Variants in PRORP observed in about 807,000 individuals in gnomAD.
PRORP encodes mitochondrial ribonuclease P catalytic subunit.
Under a neutral mutation model 59.4 loss-of-function variants are expected in PRORP, and 51 were observed. That is an observed-to-expected ratio of 0.86 (90% CI 0.69 to 1.08). The LOEUF (loss-of-function observed/expected upper bound fraction) is 1.08, where lower values mean the gene tolerates loss of function less well. PRORP is among the 50% of genes least tolerant of loss of function. The pLI is 0.00. For synonymous variants in PRORP, 231 were observed against 245.6 expected (o/e 0.94, Z 0.55); for missense variants, 646 against 690.3 (o/e 0.94, Z 0.72).
At chr14:35,193,830 G>A (rs1232444379) in intron 5 of PRORP, among the ~76,000 whole-genome samples, 9 of 151,884 alleles carry the variant, frequency 5.9e-5, no homozygotes, top group Admixed American at 5.9e-4. Flanking sequence ...CCATATAATT[G>A]TTTCTCCCGT....
At chr14:35,136,770 G>A (rs765185053) in intron 4 of PRORP, among the ~76,000 whole-genome samples, 2 of 145,096 alleles carry the variant, frequency 1.4e-5, no homozygotes, top group Non-Finnish European at 3.1e-5. Context: ...TCACATAATA[G>A]TAATAGGTTA....
chr14:35,241,377 C>CA (rs532766908), intron 5 of PRORP, among the ~76,000 whole-genome samples: 2,222 of 139,096 alleles, frequency 0.016, 57 homozygotes, highest in African/African-American at 0.051. Context: ...GACTCCGTCT[C>CA]AAAAAAAAAA....
intron 4 of PRORP, among the ~76,000 whole-genome samples, chr14:35,172,268 C>T (rs113500706): frequency 0.18 from 27,983 of 151,390 alleles, 2,843 homozygotes; most frequent in Admixed American, 0.27. Flanking sequence ...AGGCTGGTGT[C>T]GAACTCCTGA....
chr14:35,123,065 C>T lies in PRORP; in HGVS notation c.-181C>T. 3.1e-6 allele frequency: 2 copies of T among 646,998 alleles called. No individual in the cohort carries two copies. The highest frequency in any genetic ancestry group is 4.2e-5 in the South Asian group (2 of 48,040). The allele number at this position is 646,998 out of a possible 1,614,324, so 40.1% of individuals were successfully genotyped here. On this transcript the variant is annotated 5_prime_UTR_variant, in exon 2 of 8. Transcript: ENST00000534898. ...TGTTTAATAGAGAAAACTCACCTGC[C>T]TTCTTGCTTTTAAGTAGCCCCAAAA...
At chr14:35,161,729 A>AATATAGCTG (rs1379710728) in intron 4 of PRORP, among the ~76,000 whole-genome samples, 3 of 152,178 alleles carry the variant, frequency 2.0e-5, no homozygotes, top group African/African-American at 7.2e-5. Flanking sequence ...GATTAAAAAT[A>AATATAGCTG]ATATAGCTGA....
chr14:35,252,551 C>T (rs1466268980), intron 5 of PRORP, among the ~76,000 whole-genome samples: 1 of 152,222 alleles, frequency 6.6e-6, no homozygotes, highest in Non-Finnish European at 1.5e-5. Flanking sequence ...AATCTCCCCA[C>T]TGGGCCAACT....
chr14:35,194,382 A>T (rs1021878407), intron 5 of PRORP, among the ~76,000 whole-genome samples: 2 of 152,212 alleles, frequency 1.3e-5, no homozygotes, highest in Admixed American at 1.3e-4. Context: ...TGTCCTTTGC[A>T]GGGACATTGG....
At position 35,123,240 on chromosome 14, in the gene PRORP, T is replaced by C. The variant is rs1595146506; in HGVS notation, c.-6T>C. Reference sequence around the variant, plus strand: ...TCTCACTATCTGGTGCTGATCTCACTGCATAATGACTTTCTATTTGTTTGG... The same window carrying C: ...TCTCACTATCTGGTGCTGATCTCACCGCATAATGACTTTCTATTTGTTTGG... On this transcript the variant is annotated 5_prime_UTR_variant, in exon 2 of 8. Coordinates refer to ENST00000534898, the MANE Select transcript of PRORP (RefSeq NM_014672.4). The C allele has an allele frequency of 8.1e-6, 13 of 1,602,682 alleles. No individual in the cohort carries two copies. In the East Asian group the frequency reaches 2.9e-4, roughly 36 times the overall value.
intron 5 of PRORP, among the ~76,000 whole-genome samples, chr14:35,250,660 T>C (rs377703878): frequency 6.6e-6 from 1 of 151,870 alleles, no homozygotes; most frequent in African/African-American, 2.4e-5. Context: ...GGTAGAGAGG[T>C]AGATTGAGGA....
At chr14:35,260,934 T>C (rs1008952544) in intron 5 of PRORP, among the ~76,000 whole-genome samples, 3 of 152,180 alleles carry the variant, frequency 2.0e-5, no homozygotes, top group African/African-American at 7.2e-5. Flanking sequence ...TCCATCCAAC[T>C]TGACCTCCCA....
chr14:35,239,175 G>A (rs1168468655), intron 5 of PRORP, among the ~76,000 whole-genome samples: 4 of 151,876 alleles, frequency 2.6e-5, no homozygotes, highest in African/African-American at 9.7e-5. Context: ...GGCCAACATG[G>A]TGAAACCCCG....
chr14:35,139,620 T>C (rs2047440312), intron 4 of PRORP, among the ~76,000 whole-genome samples: 1 of 146,166 alleles, frequency 6.8e-6, no homozygotes, highest in African/African-American at 2.4e-5. Context: ...TTTTACAATT[T>C]GTACATTTGT....
At chr14:35,202,727 T>G (rs555898486) in intron 5 of PRORP, among the ~76,000 whole-genome samples, 1 of 152,182 alleles carries the variant, frequency 6.6e-6, no homozygotes, top group Non-Finnish European at 1.5e-5. Flanking sequence ...ACTCCTGGAC[T>G]CAAGCAGTCC....
rs563316631 is a variant in PRORP at position 35,268,015 on chromosome 14, A to G, written c.1424+1140A>G. On this transcript the variant is annotated intron_variant, in intron 6 of 7. Transcript: ENST00000534898. Reference sequence around the variant, plus strand: ...AATTGCTGTTGAGCTGCAGCTTCCCAGGAAGCCAAAGGAACCATGGTAAAC... The same window carrying G: ...AATTGCTGTTGAGCTGCAGCTTCCCGGGAAGCCAAAGGAACCATGGTAAAC... Among the ~76,000 whole-genome samples, 8 of 152,258 alleles carry G rather than the reference A, an allele frequency of 5.3e-5. No homozygotes were observed. The South Asian group carries it at 1.5e-3, about 28-fold the overall frequency.
chr14:35,176,860 A>G lies in PRORP; in HGVS notation c.1168-3810A>G, dbSNP rs568580576. Among the ~76,000 whole-genome samples the G allele has an allele frequency of 7.9e-5, 12 of 151,414 alleles. No individual in the cohort carries two copies. The South Asian group carries it at 2.5e-3, about 32-fold the overall frequency. ...TGCTTCCAGTTTTTGCCCATTCAGTATGACATTGGCTGTGGGTTTGTCATA... is the reference window on the plus strand; with the variant it reads ...TGCTTCCAGTTTTTGCCCATTCAGTGTGACATTGGCTGTGGGTTTGTCATA... On this transcript the variant is annotated intron_variant, in intron 4 of 7. Coordinates refer to ENST00000534898, the MANE Select transcript of PRORP (RefSeq NM_014672.4).
chr14:35,234,176 G>A (rs1249691586), intron 5 of PRORP, among the ~76,000 whole-genome samples: 2 of 152,158 alleles, frequency 1.3e-5, no homozygotes, highest in Non-Finnish European at 2.9e-5. Context: ...TGAGAAGTAT[G>A]TTTACTTGCA....
intron 4 of PRORP, among the ~76,000 whole-genome samples, chr14:35,176,396 TTG>T (rs2048450880): frequency 1.3e-5 from 2 of 152,212 alleles, no homozygotes; most frequent in Non-Finnish European, 2.9e-5. Flanking sequence ...TTCCATTTGT[TTG>T]TGTCCTTTTT....
chr14:35,233,532 T>A lies in PRORP; in HGVS notation c.1276-33195T>A, dbSNP rs534743370. 3.3e-5 allele frequency among the ~76,000 whole-genome samples: 5 copies of A among 150,356 alleles called. No homozygotes were observed. In the South Asian group the frequency reaches 1.0e-3, roughly 31 times the overall value. On this transcript the variant is annotated intron_variant, in intron 5 of 7. Coordinates refer to ENST00000534898, the MANE Select transcript of PRORP (RefSeq NM_014672.4). The stretch of plus-strand genomic sequence containing the variant: ...CCCTTCGTTTAAGAAAAGCATGCAG[T>A]CCTCTCCATGGTGCAAGGGTGGAAG...
intron 5 of PRORP, among the ~76,000 whole-genome samples, chr14:35,188,967 A>G (rs955349156): frequency 4.7e-5 from 7 of 148,732 alleles, no homozygotes; most frequent in African/African-American, 1.5e-4. Context: ...AAAAAAAAGT[A>G]TTGCCTAATC....
Sources: gnomAD v4.1 joint callset for allele counts (sites outside exome capture counted in the v4.1 genomes callset) on GRCh38, gnomAD v4.1.1 for gene constraint, MANE v1.5 for transcripts, NCBI Gene and HGNC (gene_info 2026-07-23, HGNC 2026-07-21) for gene names.